DIAPH2: variants seen among roughly 807,000 people sequenced by gnomAD.
DIAPH2 encodes protein diaphanous homolog 2.
Under a neutral mutation model 92.7 loss-of-function variants are expected in DIAPH2, and 35 were observed. The ratio of observed to expected loss-of-function variants is 0.38; its 90% CI spans 0.29 to 0.50. The LOEUF (loss-of-function observed/expected upper bound fraction) is 0.50. DIAPH2 is among the 20% of genes least tolerant of loss of function. DIAPH2 has a pLI of 0.94. For missense variants in DIAPH2, 701 were observed against 819.5 expected, an observed-to-expected ratio of 0.86 and a Z score of 1.77; for synonymous variants, 301 against 280.4, an observed-to-expected ratio of 1.07 and a Z score of -0.73.
At chrX:97,497,541 C>A (rs1000092549) in intron 26 of DIAPH2, among the ~76,000 whole-genome samples, 1 of 110,102 alleles carries the variant, frequency 9.1e-6, no homozygotes, top group Non-Finnish European at 1.9e-5. Context: ...CACAGTGGCT[C>A]ATGTCTGTAA....
At chrX:97,258,641 G>A (rs1166067013) in intron 23 of DIAPH2, among the ~76,000 whole-genome samples, 6 of 107,954 alleles carry the variant, frequency 5.6e-5, no homozygotes, top group South Asian at 4.2e-4. Context: ...AGACTGAGGC[G>A]GGTGGATCAC....
chrX:97,436,746 T>G (rs967836802), intron 26 of DIAPH2, among the ~76,000 whole-genome samples: 3 of 111,331 alleles, frequency 2.7e-5, no homozygotes, highest in African/African-American at 9.8e-5. Context: ...CAGGGGGCAT[T>G]TCACAGAAAC....
intron 25 of DIAPH2, among the ~76,000 whole-genome samples, chrX:97,401,111 C>T (rs1255693727): frequency 1.8e-5 from 2 of 110,436 alleles, no homozygotes; most frequent in African/African-American, 6.6e-5. Context: ...ATACTCTTTC[C>T]TTTGGGCAAT....
At chrX:97,079,585 A>G (rs506959) in intron 19 of DIAPH2, among the ~76,000 whole-genome samples, 1,742 of 111,526 alleles carry the variant, frequency 0.016, 33 homozygotes, top group African/African-American at 0.054. Flanking sequence ...AGGTCAGAAT[A>G]GAGGCTGAGA....
At chrX:96,709,181 G>A (rs5949984) in intron 1 of DIAPH2, among the ~76,000 whole-genome samples, 23,941 of 111,524 alleles carry the variant, frequency 0.21, 1,922 homozygotes, top group East Asian at 0.33. Flanking sequence ...CTAATAATTT[G>A]TAAAGTACTT....
rs1450004849 is a variant in DIAPH2, at chrX:97,600,695, T to TTGA, written c.*1380_*1382dup. Reference sequence around the variant, plus strand: ...TTTTAAGTCTAATTCATGCAGATGATTGATTGTGATTATTGTAAGAAATTT... The same window carrying TTGA: ...TTTTAAGTCTAATTCATGCAGATGATTGATGATTGTGATTATTGTAAGAAATTT... On this transcript the variant is annotated 3_prime_UTR_variant, in exon 27 of 27. Coordinates refer to ENST00000324765, the MANE Select transcript of DIAPH2 (RefSeq NM_006729.5). 3 of 111,702 alleles carry TTGA rather than the reference T, an allele frequency of 2.7e-5. No individual in the cohort carries two copies. Among genetic ancestry groups the TTGA allele is most frequent in the African/African-American group, 9.8e-5 (3 of 30,741 alleles). The allele number at this position is 111,702 out of a possible 1,213,427, so 9.2% of individuals were successfully genotyped here.
At chrX:97,450,583 G>A (rs375293913) in intron 26 of DIAPH2, among the ~76,000 whole-genome samples, 64 of 110,949 alleles carry the variant, frequency 5.8e-4, no homozygotes, top group African/African-American at 2.0e-3. Context: ...GGCTGTTTTC[G>A]GTCTGAGACT....
chrX:97,369,243 A>G (rs966976803), intron 24 of DIAPH2, among the ~76,000 whole-genome samples: 6 of 111,626 alleles, frequency 5.4e-5, no homozygotes, highest in African/African-American at 2.0e-4. Flanking sequence ...AACTAAGCCA[A>G]CACCGAAGCA....
At chrX:97,211,275 G>T (rs1178906363) in intron 22 of DIAPH2, among the ~76,000 whole-genome samples, 1 of 110,770 alleles carries the variant, frequency 9.0e-6, no homozygotes, top group Non-Finnish European at 1.9e-5. Context: ...TGAAGTCAGG[G>T]CATGAGTAAT....
chrX:97,020,348 T>A (rs2066289537), intron 17 of DIAPH2, among the ~76,000 whole-genome samples: 1 of 112,225 alleles, frequency 8.9e-6, no homozygotes, highest in Admixed American at 9.5e-5. Flanking sequence ...TGGAACTTGC[T>A]TCTAATTAAC....
chrX:96,838,891 C>T (rs2064916788), intron 4 of DIAPH2, among the ~76,000 whole-genome samples: 3 of 111,632 alleles, frequency 2.7e-5, no homozygotes, highest in African/African-American at 9.8e-5. Context: ...TAATGAATTT[C>T]CCTAAGTCAT....
chrX:96,965,279 C>A, intron 17 of DIAPH2, 72 bp downstream of exon 17: 1 of 769,303 alleles, frequency 1.3e-6, no homozygotes, highest in Non-Finnish European at 1.8e-6. Context: ...CTAAAAATTT[C>A]TAGTAATGGG....
At chrX:97,570,241 A>C (rs1275384787) in intron 26 of DIAPH2, among the ~76,000 whole-genome samples, 1 of 100,324 alleles carries the variant, frequency 1.0e-5, no homozygotes, top group Non-Finnish European at 2.0e-5. Context: ...ATATGTATGT[A>C]TAGTGTTCAG....
At chrX:97,354,461 C>T (rs1602530380) in intron 24 of DIAPH2, among the ~76,000 whole-genome samples, 1 of 111,268 alleles carries the variant, frequency 9.0e-6, no homozygotes, top group African/African-American at 3.3e-5. Context: ...CAACCTCCAC[C>T]CCCTGGGTTC....
At chrX:97,483,627 T>C (rs2070667570) in intron 26 of DIAPH2, among the ~76,000 whole-genome samples, 1 of 112,217 alleles carries the variant, frequency 8.9e-6, no homozygotes, top group African/African-American at 3.2e-5. Flanking sequence ...GTTACCTTTC[T>C]CTCTTTTCTT....
intron 22 of DIAPH2, among the ~76,000 whole-genome samples, chrX:97,160,468 T>C (rs2067360803): frequency 8.9e-6 from 1 of 112,030 alleles, no homozygotes; most frequent in African/African-American, 3.2e-5. Flanking sequence ...TTTTATCTTA[T>C]TATTTTATTT....
intron 4 of DIAPH2, among the ~76,000 whole-genome samples, chrX:96,765,053 C>A (rs771327131): frequency 9.0e-6 from 1 of 111,145 alleles, no homozygotes; most frequent in Non-Finnish European, 1.9e-5. Context: ...TTCAGTCTCT[C>A]ACCCACCCAT....
chrX:97,254,121 A>G (rs1228520885), intron 23 of DIAPH2, among the ~76,000 whole-genome samples: 2 of 111,710 alleles, frequency 1.8e-5, no homozygotes, highest in Non-Finnish European at 3.8e-5. Context: ...ATTTTTGCTA[A>G]ACAGACCCAG....
chrX:96,814,318 T>C (rs2064712416), intron 4 of DIAPH2, among the ~76,000 whole-genome samples: 1 of 111,981 alleles, frequency 8.9e-6, no homozygotes, highest in South Asian at 3.7e-4. Flanking sequence ...GATCGAATCA[T>C]GTGTTGAAGC....
Sources: gnomAD v4.1 joint callset for allele counts (sites outside exome capture counted in the v4.1 genomes callset) on GRCh38, gnomAD v4.1.1 for gene constraint, MANE v1.5 for transcripts, NCBI Gene and HGNC (gene_info 2026-07-23, HGNC 2026-07-21) for gene names.